Variants in HOXB2 observed in about 807,000 individuals in gnomAD.
The protein encoded by HOXB2 is homeobox protein Hox-B2.
In HOXB2, 14 loss-of-function variants were observed where a neutral mutation model predicts 13.1. The ratio of observed to expected loss-of-function variants is 1.07; its 90% CI spans 0.71 to 1.67. The LOEUF is 1.67. Among genes scored for constraint, HOXB2 ranks in the 40% most tolerant of loss-of-function variants. The pLI is 0.00. For missense variants in HOXB2, 582 were observed against 488.3 expected (o/e 1.19, Z -1.81); for synonymous variants, 261 against 233.1 (o/e 1.12, Z -1.09).
At position 48,544,644 on chromosome 17, in the gene HOXB2, G is replaced by A. The variant is rs200021349; in HGVS notation, c.268C>T (p.Pro90Ser). ...ATCCAAGGGAACTCGGGGGCCGGGG[G>A]GGCAGCGGGGAGTGGCGGCGGCGGT... ...PPPPPPLPAA[P>S]PAPEFPWMKE... Residue 90 changes from proline (P) to serine (S), a missense_variant, in exon 1 of 2, where the codon CCC becomes TCC. Pro to Ser is a moderately conservative substitution (Grantham distance 74). Transcript: ENST00000330070. 34 of 1,612,102 alleles carry A rather than the reference G, an allele frequency of 2.1e-5. No homozygotes were observed. The African/African-American group carries it at 4.1e-4, about 20-fold the overall frequency.
rs1031515021 is a variant in HOXB2 at position 48,544,076 on chromosome 17, C to T, written c.392-329G>A. ...CTCAATTCGGAACTTTCCAACTCAA[C>T]CGGAGCGAGGGTCAGAAAGATTGTT... is the stretch of plus-strand genomic sequence containing the variant. On this transcript the variant is annotated intron_variant, in intron 1 of 1. Coordinates refer to ENST00000330070, the MANE Select transcript of HOXB2 (RefSeq NM_002145.4). 4 of 985,236 alleles carry T rather than the reference C, an allele frequency of 4.1e-6. No individual in the cohort carries two copies. In the African/African-American group the frequency reaches 7.0e-5, roughly 17 times the overall value. The allele number at this position is 985,236 out of a possible 1,614,324, so 61.0% of individuals were successfully genotyped here.
Position 48,543,057 on chromosome 17 carries a change from G to A in HOXB2, c.*11C>T, listed in dbSNP as rs1244500717. The stretch of plus-strand genomic sequence containing the variant: ...GCGCGGGGGTCGAAAGGACCGGGAG[G>A]AGGAAACAGGTTAGGGAAACTGCAG... On this transcript the variant is annotated 3_prime_UTR_variant, in exon 2 of 2. Transcript: ENST00000330070. 1.3e-6 allele frequency: 2 copies of A among 1,569,428 alleles called. No homozygotes were observed. The highest frequency in any genetic ancestry group is 1.7e-6 in the Non-Finnish European group (2 of 1,158,684).
At chr17:48,544,227 T>TA (rs2068541933) in intron 1 of HOXB2, 1 of 1,341,666 alleles carries the variant, frequency 7.5e-7, no homozygotes, top group South Asian at 2.0e-5. Flanking sequence ...CCTACACAGA[T>TA]ACGGGTGAAA....
At position 48,543,053 on chromosome 17, in the gene HOXB2, G is replaced by A; in HGVS notation, c.*15C>T. 2.6e-6 allele frequency: 4 copies of A among 1,565,692 alleles called. No individual in the cohort carries two copies. In the South Asian group the frequency reaches 4.7e-5, roughly 19 times the overall value. On this transcript the variant is annotated 3_prime_UTR_variant, in exon 2 of 2. Transcript: ENST00000330070. ...AGGAGCGCGGGGGTCGAAAGGACCG[G>A]GAGGAGGAAACAGGTTAGGGAAACT...
rs34801978 is a variant in HOXB2, at chr17:48,543,326, G to A, written c.813C>T (p.Gly271=). The A allele has an allele frequency of 8.3e-5, 133 of 1,599,758 alleles. 2 individuals are homozygous for A. In the African/African-American group the frequency reaches 1.3e-3, roughly 16 times the overall value. ...RPLAVRLEGA[G]ASSPGCALRG... ...GCAGCGCGCAGCCGGGACTCGACGC[G>A]CCTGCGCCCTCTAAGCGAACGGCTA... The change falls in exon 2 of 2, where the codon GGC becomes GGT. Residue 271 remains glycine, a synonymous_variant. Coordinates refer to ENST00000330070, the MANE Select transcript of HOXB2 (RefSeq NM_002145.4).
Position 48,543,359 on chromosome 17 carries a change from G to T in HOXB2, c.780C>A (p.Pro260=). 5.0e-6 allele frequency: 8 copies of T among 1,594,036 alleles called. No homozygotes were observed. Among genetic ancestry groups the T allele is most frequent in the Non-Finnish European group, 6.8e-6 (8 of 1,174,202 alleles). ...CCTCTAAGCGAACGGCTAAAGGCCG[G>T]GGGTCCGCGCTTAAGGCCCCCGGCA... ...EVVPGALSAD[P]RPLAVRLEGA... is the part of the protein sequence containing the mutation. The change falls in exon 2 of 2, where the codon CCC becomes CCA. Residue 260 remains proline, a synonymous_variant. Coordinates refer to ENST00000330070, the MANE Select transcript of HOXB2 (RefSeq NM_002145.4).
chr17:48,544,084 AG>A, intron 1 of HOXB2: 1 of 985,260 alleles, frequency 1.0e-6, no homozygotes, highest in Non-Finnish European at 1.2e-6. Context: ...AACCGGAGCG[AG>A]GGTCAGAAAG....
intron 1 of HOXB2, chr17:48,544,240 C>T (rs929609356): frequency 2.2e-6 from 3 of 1,356,678 alleles, no homozygotes; most frequent in East Asian, 2.9e-5. Flanking sequence ...GGGTGAAAAC[C>T]TCAATCAAAT....
Position 48,543,602 on chromosome 17 carries a change from C to G in HOXB2, c.537G>C (p.Leu179Phe), listed in dbSNP as rs2068528794. The change falls in exon 2 of 2, where the codon TTG (leucine) becomes TTC (phenylalanine). Residue 179 changes from leucine to phenylalanine, a missense_variant. Physicochemically the swap from Leu to Phe is conservative, Grantham distance 22. Coordinates refer to ENST00000330070, the MANE Select transcript of HOXB2 (RefSeq NM_002145.4). ...TGACCTGCCTTTCGGTGAGGTCCAG[C>G]AAGGCCGCGATCTCGACGCGGCGTG... is the stretch of plus-strand genomic sequence containing the variant. ...CRPRRVEIAALLDLTERQVKV... is the reference protein window; with the variant it reads ...CRPRRVEIAAFLDLTERQVKV... 2 of 1,613,596 alleles carry G rather than the reference C, an allele frequency of 1.2e-6. No homozygotes were observed. The highest frequency in any genetic ancestry group is 1.6e-4 in the Middle Eastern group (1 of 6,062).
chr17:48,544,333 GAAAA>G, intron 1 of HOXB2, 184 bp downstream of exon 1: 1 of 1,214,276 alleles, frequency 8.2e-7, no homozygotes, highest in South Asian at 2.1e-5. Flanking sequence ...GAGAGAGACA[GAAAA>G]AAAAAAAGAC....
Position 48,544,603 on chromosome 17 carries a change from G to A in HOXB2, c.309C>T (p.Ser103=). 2 of 1,609,842 alleles carry A rather than the reference G, an allele frequency of 1.2e-6. No homozygotes were observed. Among genetic ancestry groups the A allele is most frequent in the Non-Finnish European group, 1.7e-6 (2 of 1,179,938 alleles). Residue 103 remains serine (S), a synonymous_variant, in exon 1 of 2, where the codon TCC becomes TCT. Transcript: ENST00000330070. ...PEFPWMKEKK[S]AKKPSQSATS... ...TGGCGGATTGGCTGGGTTTCTTGGCGGATTTCTTCTCTTTCATCCAAGGGA... is the reference window on the plus strand; with the variant it reads ...TGGCGGATTGGCTGGGTTTCTTGGCAGATTTCTTCTCTTTCATCCAAGGGA...
At position 48,543,282 on chromosome 17, in the gene HOXB2, T is replaced by C; in HGVS notation, c.857A>G (p.Glu286Gly). The C allele has an allele frequency of 6.2e-7, 1 of 1,600,354 alleles. No individual in the cohort carries two copies. The highest frequency in any genetic ancestry group is 8.5e-7 in the Non-Finnish European group (1 of 1,177,852). ...GACGTCTTCTGGCAATGGCCCGGGC[T>C]CCAGCCCGCCGGCCCCGCGCAGCGC... is the stretch of plus-strand genomic sequence containing the variant. ...GCALRGAGGL[E>G]PGPLPEDVFS... The change falls in exon 2 of 2, where the codon GAG becomes GGG. Residue 286 changes from glutamate to glycine, a missense_variant. By Grantham distance (98) the Glu-to-Gly change is moderately conservative. Coordinates refer to ENST00000330070, the MANE Select transcript of HOXB2 (RefSeq NM_002145.4).
At chr17:48,543,854 C>CGGGGGGGGGGG in intron 1 of HOXB2, 107 bp from the exon 2 acceptor site, 1 of 1,249,744 alleles carries the variant, frequency 8.0e-7, no homozygotes, top group Non-Finnish European at 1.1e-6. Flanking sequence ...CCTTCCTCGC[C>CGGGGGGGGGGG]ACCCCACCCC....
rs1354117484 is a variant in HOXB2 at position 48,543,767 on chromosome 17, G to C, written c.392-20C>G. 7 of 1,572,390 alleles carry C rather than the reference G, an allele frequency of 4.5e-6. No individual in the cohort carries two copies. The highest frequency in any genetic ancestry group is 4.5e-5 in the East Asian group (2 of 44,468). ...GGCCATCTGCAGGGAAAACAGGCTC[G>C]GCGTCATAGCGGGCCGTGTACTCAG... is the stretch of plus-strand genomic sequence containing the variant. On this transcript the variant is annotated intron_variant, in intron 1 of 1. Coordinates refer to ENST00000330070, the MANE Select transcript of HOXB2 (RefSeq NM_002145.4).
chr17:48,544,528 C>T lies in HOXB2; in HGVS notation c.384G>A (p.Ser128=). 2 of 1,602,828 alleles carry T rather than the reference C, an allele frequency of 1.2e-6. No homozygotes were observed. The highest frequency in any genetic ancestry group is 8.5e-7 in the Non-Finnish European group (1 of 1,179,126). ...ASAVPASGVG[S]PADGLGLPEA... ...CCCACCACGCTTACCGACCTGCAGG[C>T]GATCCGACCCCGGAGGCCGGAACGG... The change falls in exon 1 of 2, where the codon TCG becomes TCA. Residue 128 remains serine, a synonymous_variant. Transcript: ENST00000330070.
In HOXB2 at chr17:48,543,233, A is replaced by G. The variant is rs377210731; in HGVS notation, c.906T>C (p.Pro302=). Residue 302 remains proline, a synonymous_variant, in exon 2 of 2, where the codon CCT becomes CCC. Transcript: ENST00000330070. ...CGAAGAAGTTGAGGTCGGGAAGGAA[A>G]GGTGAATCCTGGCGCCCCGAGAAGA... is the stretch of plus-strand genomic sequence containing the variant. ...EDVFSGRQDS[P]FLPDLNFFAA... 20 of 1,613,024 alleles carry G rather than the reference A, an allele frequency of 1.2e-5. No individual in the cohort carries two copies. The East Asian group carries it at 3.8e-4, about 31-fold the overall frequency.
rs1472866153 is a variant in HOXB2, at chr17:48,544,673, G to C, written c.239C>G (p.Pro80Arg). 1.9e-6 allele frequency: 3 copies of C among 1,612,200 alleles called. No individual in the cohort carries two copies. The highest frequency in any genetic ancestry group is 1.7e-5 in the Admixed American group (1 of 59,982). The change falls in exon 1 of 2, where the codon CCG (proline) becomes CGG (arginine). Residue 80 changes from proline to arginine, a missense_variant. Transcript: ENST00000330070. ...AGCGGGGAGTGGCGGCGGCGGTGGC[G>C]GCGGCAGAGCAGGCCCATCTTCGGC... ...KRAEDGPALP[P>R]PPPPPLPAAP...
chr17:48,543,307 C>T lies in HOXB2; in HGVS notation c.832G>A (p.Ala278Thr), dbSNP rs538570738. Residue 278 changes from alanine to threonine, a missense_variant, in exon 2 of 2, where the codon GCG becomes ACG. Physicochemically the swap from Ala to Thr is moderately conservative, Grantham distance 58. Coordinates refer to ENST00000330070, the MANE Select transcript of HOXB2 (RefSeq NM_002145.4). ...TCCAGCCCGCCGGCCCCGCGCAGCG[C>T]GCAGCCGGGACTCGACGCGCCTGCG... ...EGAGASSPGC[A>T]LRGAGGLEPG... The T allele has an allele frequency of 6.2e-7, 1 of 1,601,778 alleles. No individual in the cohort carries two copies. Among genetic ancestry groups the T allele is most frequent in the East Asian group, 2.2e-5 (1 of 44,740 alleles).
Position 48,543,545 on chromosome 17 carries a change from G to C in HOXB2, c.594C>G (p.His198Gln). The change falls in exon 2 of 2, where the codon CAC becomes CAG. Residue 198 changes from histidine (H) to glutamine (Q), a missense_variant. Transcript: ENST00000330070. ...KVWFQNRRMKHKRQTQHREPP... is the reference protein window; with the variant it reads ...KVWFQNRRMKQKRQTQHREPP... ...GCTCTCGGTGCTGCGTCTGCCGCTT[G>C]TGCTTCATGCGCCGGTTCTGAAACC... 1 of 1,613,080 alleles carries C rather than the reference G, an allele frequency of 6.2e-7. No individual in the cohort carries two copies. Among genetic ancestry groups the C allele is most frequent in the East Asian group, 2.2e-5 (1 of 44,824 alleles).
Sources: allele counts gnomAD v4.1 joint callset, GRCh38; gene constraint gnomAD v4.1.1; transcripts MANE v1.5; gene names NCBI Gene and HGNC (gene_info 2026-07-23, HGNC 2026-07-21).